The following EPHA3 variants were observed in gnomAD, a reference collection of about 807,000 sequenced individuals.
EPHA3 encodes the protein ephrin type-A receptor 3.
A neutral mutation model predicts 107.1 loss-of-function variants in EPHA3; 42 were observed. That is an observed-to-expected ratio of 0.39 (90% CI 0.31 to 0.51). EPHA3 has a LOEUF of 0.51. EPHA3 is among the 20% of genes least tolerant of loss of function. The probability of loss-of-function intolerance (pLI) is 0.78; values close to 1 mark genes in which losing one functional copy is unlikely to be tolerated. For missense variants in EPHA3, 1,183 were observed against 1,211.2 expected (o/e 0.98, Z 0.35); for synonymous variants, 461 against 424.8 (o/e 1.09, Z -1.05).
chr3:89,435,089 T>A lies in EPHA3; in HGVS notation c.2346+3730T>A, dbSNP rs190847587. Among the ~76,000 whole-genome samples, 60 of 149,702 alleles carry A rather than the reference T, an allele frequency of 4.0e-4. 2 individuals are homozygous for A. Among genetic ancestry groups the A allele is most frequent in the Admixed American group, 3.0e-3 (46 of 15,180 alleles). On this transcript the variant is annotated intron_variant, in intron 13 of 16. Transcript: ENST00000336596. Reference sequence around the variant, plus strand: ...AAGTAATAAGAAGACTTCAATTTTTTAAAAAAACAAATATACCAAACAGCT... The same window carrying A: ...AAGTAATAAGAAGACTTCAATTTTTAAAAAAAACAAATATACCAAACAGCT...
At chr3:89,275,138 T>G (rs1705774607) in intron 3 of EPHA3, among the ~76,000 whole-genome samples, 2 of 151,946 alleles carry the variant, frequency 1.3e-5, no homozygotes, top group South Asian at 4.1e-4. Flanking sequence ...AAGTCCATAA[T>G]TTTTCCGCTA....
At chr3:89,172,448 C>G (rs1029319101) in intron 2 of EPHA3, among the ~76,000 whole-genome samples, 12 of 152,294 alleles carry the variant, frequency 7.9e-5, no homozygotes, top group African/African-American at 2.6e-4. Flanking sequence ...GCTGTACAGT[C>G]AGGCCTGCGT....
chr3:89,139,440 T>C (rs1446448617), intron 2 of EPHA3, among the ~76,000 whole-genome samples: 1 of 151,790 alleles, frequency 6.6e-6, no homozygotes, highest in Non-Finnish European at 1.5e-5. Flanking sequence ...AGGTAGCCAT[T>C]TCTTAAGTTG....
intron 1 of EPHA3, among the ~76,000 whole-genome samples, chr3:89,126,327 A>G (rs1288824077): frequency 6.6e-6 from 1 of 151,744 alleles, no homozygotes; most frequent in Admixed American, 6.6e-5. Context: ...TCAGATAGAC[A>G]ATTAAAGTGA....
intron 13 of EPHA3, among the ~76,000 whole-genome samples, chr3:89,432,098 A>T (rs1046656435): frequency 4.6e-5 from 7 of 151,928 alleles, no homozygotes; most frequent in Non-Finnish European, 1.0e-4. Context: ...ATTATATTTA[A>T]TTTTTCCATA....
intron 7 of EPHA3, among the ~76,000 whole-genome samples, chr3:89,405,902 G>T (rs1052182396): frequency 2.6e-5 from 4 of 152,160 alleles, no homozygotes; most frequent in Non-Finnish European, 5.9e-5. Flanking sequence ...ACATGAAACA[G>T]ATTCTAAATG....
intron 5 of EPHA3, among the ~76,000 whole-genome samples, chr3:89,365,599 C>T (rs1708171349): frequency 6.6e-6 from 1 of 150,624 alleles, no homozygotes; most frequent in African/African-American, 2.4e-5. Context: ...TGTTAGTACT[C>T]AGTTCTGTGT....
intron 13 of EPHA3, among the ~76,000 whole-genome samples, chr3:89,436,025 C>CAACT (rs1054585775): frequency 3.4e-4 from 51 of 151,652 alleles, no homozygotes; most frequent in African/African-American, 1.2e-3. Flanking sequence ...CCTGTGGTCC[C>CAACT]AACTACTCAG....
At chr3:89,471,993 G>A (rs1395967026) in intron 15 of EPHA3, among the ~76,000 whole-genome samples, 1 of 151,974 alleles carries the variant, frequency 6.6e-6, no homozygotes, top group African/African-American at 2.4e-5. Context: ...AGCCTAGATT[G>A]TTCAAGCCAT....
intron 7 of EPHA3, among the ~76,000 whole-genome samples, chr3:89,405,487 G>A (rs1186035367): frequency 2.6e-5 from 4 of 152,094 alleles, no homozygotes; most frequent in Admixed American, 6.5e-5. Context: ...AGAGTAAAGG[G>A]CTTACAACAG....
chr3:89,249,414 T>C (rs1229206765), intron 3 of EPHA3, among the ~76,000 whole-genome samples: 2 of 152,172 alleles, frequency 1.3e-5, no homozygotes, highest in African/African-American at 2.4e-5. Context: ...TCATCGTTAT[T>C]AGCTTCTGAT....
intron 2 of EPHA3, among the ~76,000 whole-genome samples, chr3:89,191,119 G>A (rs1705704246): frequency 6.6e-6 from 1 of 151,798 alleles, no homozygotes; most frequent in Non-Finnish European, 1.5e-5. Flanking sequence ...ACTGGGTGAC[G>A]CCTGCCAGAT....
intron 2 of EPHA3, among the ~76,000 whole-genome samples, chr3:89,153,513 A>G (rs1273901452): frequency 6.6e-6 from 1 of 151,998 alleles, no homozygotes; most frequent in Non-Finnish European, 1.5e-5. Context: ...CCTTCCAGGT[A>G]TCAGGCCAAA....
intron 5 of EPHA3, among the ~76,000 whole-genome samples, chr3:89,344,022 A>G (rs35981897): frequency 6.6e-6 from 1 of 152,244 alleles, no homozygotes; most frequent in South Asian, 2.1e-4. Flanking sequence ...AGGAATTTTA[A>G]CAAATTATGA....
At chr3:89,391,167 A>G (rs1708719940) in intron 5 of EPHA3, among the ~76,000 whole-genome samples, 1 of 152,110 alleles carries the variant, frequency 6.6e-6, no homozygotes, top group Non-Finnish European at 1.5e-5. Context: ...GTCCTATGTC[A>G]TGATCGAAGA....
At chr3:89,352,817 T>TGCAGTGAACCCAGGAG (rs1707858851) in intron 5 of EPHA3, among the ~76,000 whole-genome samples, 1 of 146,338 alleles carries the variant, frequency 6.8e-6, no homozygotes, top group African/African-American at 2.5e-5. Flanking sequence ...GCAGGAGAAT[T>TGCAGTGAACCCAGGAG]GCTTGAACCC....
intron 3 of EPHA3, among the ~76,000 whole-genome samples, chr3:89,327,488 C>A (rs1707190985): frequency 6.6e-6 from 1 of 152,138 alleles, no homozygotes; most frequent in Non-Finnish European, 1.5e-5. Context: ...GAAACCAAGA[C>A]TTACTCAGAA....
intron 13 of EPHA3, among the ~76,000 whole-genome samples, chr3:89,441,449 A>T (rs1709782624): frequency 6.6e-6 from 1 of 152,246 alleles, no homozygotes; most frequent in South Asian, 2.1e-4. Flanking sequence ...ATTAGGATAT[A>T]GAGACCAGTA....
chr3:89,167,597 A>G lies in EPHA3; in HGVS notation c.153+40324A>G, dbSNP rs540948687. Among the ~76,000 whole-genome samples the G allele has an allele frequency of 4.9e-4, 75 of 152,226 alleles. 1 individual carries two copies. The South Asian group carries it at 7.5e-3, about 15-fold the overall frequency. On this transcript the variant is annotated intron_variant, in intron 2 of 16. Coordinates refer to ENST00000336596, the MANE Select transcript of EPHA3 (RefSeq NM_005233.6). The stretch of plus-strand genomic sequence containing the variant: ...TAGAAATCCTGACATCTGTGAATTT[A>G]AGGTAGTTGTCTCTGTTTTTGTCTT...
Sources: allele counts gnomAD v4.1 joint callset (sites outside exome capture counted in the v4.1 genomes callset), GRCh38; gene constraint gnomAD v4.1.1; transcripts MANE v1.5; gene names NCBI Gene and HGNC (gene_info 2026-07-23, HGNC 2026-07-21).